RHEB: variants seen among roughly 807,000 people sequenced by gnomAD.
RHEB encodes the protein GTP-binding protein Rheb.
RHEB carries 2 observed loss-of-function variants against 28.8 expected under a neutral mutation model. The observed-to-expected ratio is 0.07, with a 90% CI of 0.03 to 0.22. The LOEUF (loss-of-function observed/expected upper bound fraction) is 0.22. RHEB is among the 10% of genes least tolerant of loss of function. The probability of loss-of-function intolerance (pLI) is 1.00; values close to 1 mark genes in which losing one functional copy is unlikely to be tolerated. For synonymous variants in RHEB, 69 were observed against 77.3 expected (o/e 0.89, Z 0.56); for missense variants, 76 against 219.9 (o/e 0.35, Z 4.14).
At chr7:151,509,524 A>T (rs1241015112) in intron 1 of RHEB, among the ~76,000 whole-genome samples, 2 of 152,154 alleles carry the variant, frequency 1.3e-5, no homozygotes, top group Non-Finnish European at 2.9e-5. Flanking sequence ...GGTCTTGCCC[A>T]TTCTCCCTCT....
At chr7:151,509,161 C>A (rs189809732) in intron 1 of RHEB, among the ~76,000 whole-genome samples, 15 of 152,272 alleles carry the variant, frequency 9.9e-5, no homozygotes, top group African/African-American at 2.9e-4. Flanking sequence ...TGGGGCCACC[C>A]GGGCCCAGCA....
chr7:151,467,254 C>T (rs763161814), intron 7 of RHEB, 43 bp from the exon 8 acceptor site: 2 of 1,424,454 alleles, frequency 1.4e-6, no homozygotes, highest in East Asian at 2.3e-5. Context: ...AGTGTGAAGC[C>T]GAACTCCGAG....
At chr7:151,495,115 A>G (rs1802651700) in intron 1 of RHEB, among the ~76,000 whole-genome samples, 2 of 152,204 alleles carry the variant, frequency 1.3e-5, no homozygotes, top group South Asian at 2.1e-4. Context: ...ATAACTTCAT[A>G]TATTTACTTT....
intron 3 of RHEB, among the ~76,000 whole-genome samples, chr7:151,478,996 C>T (rs542706363): frequency 1.3e-5 from 2 of 152,066 alleles, no homozygotes; most frequent in Non-Finnish European, 2.9e-5. Context: ...GTGGCAGGAG[C>T]TACTGTGCCC....
chr7:151,502,228 CAAA>C (rs34312270), intron 1 of RHEB: 14,049 of 323,962 alleles, frequency 0.043, no homozygotes, highest in South Asian at 0.065. Context: ...AGAGCTGTCT[CAAA>C]AAAAAAAAAA....
chr7:151,504,817 T>G (rs1802837666), intron 1 of RHEB, among the ~76,000 whole-genome samples: 1 of 152,102 alleles, frequency 6.6e-6, no homozygotes, highest in Non-Finnish European at 1.5e-5. Flanking sequence ...TACAGCCTGA[T>G]TCTGGATGTA....
rs1296820127 is a variant in RHEB at position 151,466,365 on chromosome 7, A to G, written c.*754T>C. ...GCTAAGCTATGAGCAAGGGCGAACA[A>G]TGCCTCTCAGCAGCTCCTCCTCCTT... On this transcript the variant is annotated 3_prime_UTR_variant, in exon 8 of 8. Coordinates refer to ENST00000262187, the MANE Select transcript of RHEB (RefSeq NM_005614.4). 1 of 152,328 alleles carries G rather than the reference A, an allele frequency of 6.6e-6. No individual in the cohort carries two copies. Among genetic ancestry groups the G allele is most frequent in the Admixed American group, 6.5e-5 (1 of 15,286 alleles). The allele number at this position is 152,328 out of a possible 1,614,324, so 9.4% of individuals were successfully genotyped here. A position where few individuals can be genotyped will look rare whatever the true frequency, so the allele number is the denominator to read the frequency against.
intron 1 of RHEB, among the ~76,000 whole-genome samples, chr7:151,515,080 GAAAGA>G (rs1803053899): frequency 4.8e-5 from 6 of 124,752 alleles, no homozygotes; most frequent in Admixed American, 1.5e-4. Flanking sequence ...AAAAAAAAAA[GAAAGA>G]AAAGAAACCA....
intron 1 of RHEB, among the ~76,000 whole-genome samples, chr7:151,507,905 A>T (rs1391196095): frequency 6.6e-6 from 1 of 152,182 alleles, no homozygotes; most frequent in Non-Finnish European, 1.5e-5. Context: ...TATTAACAGG[A>T]TTATTAAACT....
rs537517088 is a variant in RHEB, at chr7:151,504,522, GA to G, written c.53-13509del. ...TATTTTCCATTTGCATTTGGTTGAG[GA>G]AAAAAAAATTCCTGCCTATAAGTGG... On this transcript the variant is annotated intron_variant, in intron 1 of 7. Coordinates refer to ENST00000262187, the MANE Select transcript of RHEB (RefSeq NM_005614.4). 6.0e-5 allele frequency among the ~76,000 whole-genome samples: 9 copies of G among 151,216 alleles called. No individual in the cohort carries two copies. The South Asian group carries it at 8.4e-4, about 14-fold the overall frequency.
At chr7:151,513,263 CA>C (rs1803022756) in intron 1 of RHEB, among the ~76,000 whole-genome samples, 1 of 152,138 alleles carries the variant, frequency 6.6e-6, no homozygotes, top group Admixed American at 6.5e-5. Flanking sequence ...TTTTTACTTG[CA>C]AGAATGATGA....
chr7:151,467,786 C>T (rs1802093179), intron 7 of RHEB, among the ~76,000 whole-genome samples: 1 of 152,222 alleles, frequency 6.6e-6, no homozygotes, highest in Admixed American at 6.5e-5. Flanking sequence ...TTCCTGCCCT[C>T]AGCCTCAGCC....
chr7:151,491,159 A>G (rs542118705), intron 1 of RHEB, 145 bp from the exon 2 acceptor site: 5 of 601,924 alleles, frequency 8.3e-6, no homozygotes, highest in Non-Finnish European at 1.5e-5. Flanking sequence ...GCATGTGAGC[A>G]ATTTCAAAAA....
chr7:151,483,736 T>C (rs1466023350), intron 3 of RHEB, among the ~76,000 whole-genome samples: 1 of 152,124 alleles, frequency 6.6e-6, no homozygotes, highest in Non-Finnish European at 1.5e-5. Context: ...GGGCAGGAGT[T>C]AGGAGCTGAA....
At chr7:151,474,110 T>A (rs762301145) in intron 4 of RHEB, among the ~76,000 whole-genome samples, 1 of 152,204 alleles carries the variant, frequency 6.6e-6, no homozygotes, top group Non-Finnish European at 1.5e-5. Context: ...AATGTATATT[T>A]ATGCTTTAAA....
intron 1 of RHEB, chr7:151,497,963 T>C (rs1802703076): frequency 2.3e-6 from 1 of 432,440 alleles, no homozygotes; most frequent in African/African-American, 2.0e-5. Context: ...AGGCTCCCCT[T>C]TGCTCTCAGT....
intron 1 of RHEB, chr7:151,503,486 C>A: frequency 9.8e-7 from 1 of 1,018,190 alleles, no homozygotes; most frequent in Non-Finnish European, 1.5e-6. Context: ...CAAAACGTGC[C>A]TCACCCTCCA....
chr7:151,511,572 CT>C (rs534393798), intron 1 of RHEB, among the ~76,000 whole-genome samples: 4,196 of 145,248 alleles, frequency 0.029, 136 homozygotes, highest in African/African-American at 0.085. Context: ...ACAGGAACTC[CT>C]TTTTTTTTTT....
At chr7:151,518,181 T>A (rs1803115280) in intron 1 of RHEB, 1 of 152,178 alleles carries the variant, frequency 6.6e-6, no homozygotes, top group African/African-American at 2.4e-5. Context: ...GCACCCCGCA[T>A]CTCTAGCCAA....
Sources: gnomAD v4.1 joint callset for allele counts (sites outside exome capture counted in the v4.1 genomes callset) on GRCh38, gnomAD v4.1.1 for gene constraint, MANE v1.5 for transcripts, NCBI Gene and HGNC (gene_info 2026-07-23, HGNC 2026-07-21) for gene names.